The following DOK6 variants were observed in gnomAD, a reference collection of about 807,000 sequenced individuals.
DOK6 encodes downstream of tyrosine kinase 6.
A neutral mutation model predicts 44.0 loss-of-function variants in DOK6; 22 were observed. The ratio of observed to expected loss-of-function variants is 0.50; its 90% CI spans 0.36 to 0.71. The LOEUF (loss-of-function observed/expected upper bound fraction) is 0.71. DOK6 is among the 30% of genes least tolerant of loss of function. The pLI, the probability that DOK6 is intolerant of heterozygous loss-of-function variation, is 0.00. For missense variants in DOK6, 340 were observed against 416.4 expected, an observed-to-expected ratio of 0.82 and a Z score of 1.60; for synonymous variants, 166 against 145.5, an observed-to-expected ratio of 1.14 and a Z score of -1.01.
chr18:69,402,552 G>C (rs1916123503), intron 1 of DOK6, among the ~76,000 whole-genome samples: 1 of 152,238 alleles, frequency 6.6e-6, no homozygotes, highest in Admixed American at 6.5e-5. Flanking sequence ...CCAGGTGTTG[G>C]GGACAGGAGG....
chr18:69,797,470 C>T (rs1980779545), intron 7 of DOK6, among the ~76,000 whole-genome samples: 1 of 152,054 alleles, frequency 6.6e-6, no homozygotes, highest in African/African-American at 2.4e-5. Context: ...GGCAGTAATC[C>T]TCTATTTTGC....
chr18:69,617,726 A>AAAG (rs1984339238), intron 3 of DOK6, among the ~76,000 whole-genome samples: 3 of 115,842 alleles, frequency 2.6e-5, no homozygotes, highest in African/African-American at 5.8e-5. Context: ...AAAGAAAGAA[A>AAAG]AAAGGGGGAA....
chr18:69,558,005 A>G (rs1338941139), intron 1 of DOK6, among the ~76,000 whole-genome samples: 11 of 152,174 alleles, frequency 7.2e-5, no homozygotes, highest in Admixed American at 6.6e-4. Flanking sequence ...AATAAAAATA[A>G]GGTACTGCAT....
At chr18:69,418,568 C>A (rs956614408) in intron 1 of DOK6, among the ~76,000 whole-genome samples, 6 of 151,968 alleles carry the variant, frequency 3.9e-5, no homozygotes, top group African/African-American at 1.4e-4. Flanking sequence ...CTCAGGTGAT[C>A]CTCCTGACTC....
At chr18:69,839,772 T>G (rs1982161261) in intron 7 of DOK6, among the ~76,000 whole-genome samples, 1 of 152,074 alleles carries the variant, frequency 6.6e-6, no homozygotes, top group Non-Finnish European at 1.5e-5. Context: ...GGGCAGAAAG[T>G]TCTGGAAGCT....
At chr18:69,661,586 T>C (rs1568325896) in intron 3 of DOK6, 1 of 152,220 alleles carries the variant, frequency 6.6e-6, no homozygotes, top group South Asian at 2.1e-4. Flanking sequence ...GTAGGAACAA[T>C]TTAAGGTTCC....
intron 3 of DOK6, among the ~76,000 whole-genome samples, chr18:69,643,066 G>A (rs920364870): frequency 6.6e-6 from 1 of 152,032 alleles, no homozygotes; most frequent in Non-Finnish European, 1.5e-5. Context: ...TATCATTATG[G>A]CCCTATGGAT....
chr18:69,401,372 G>A (rs533047144), intron 1 of DOK6, 62 bp downstream of exon 1: 11 of 1,429,202 alleles, frequency 7.7e-6, no homozygotes, highest in East Asian at 3.0e-5. Context: ...GGCTGCCTGG[G>A]GGGGGGGCAG....
chr18:69,594,025 C>A (rs1253193833), intron 2 of DOK6, among the ~76,000 whole-genome samples: 1 of 152,092 alleles, frequency 6.6e-6, no homozygotes, highest in Non-Finnish European at 1.5e-5. Flanking sequence ...GTAAATATCA[C>A]TTGATTCCAT....
At chr18:69,563,488 C>A (rs1380419069) in intron 1 of DOK6, among the ~76,000 whole-genome samples, 2 of 151,974 alleles carry the variant, frequency 1.3e-5, no homozygotes, top group African/African-American at 4.8e-5. Context: ...ATGATGAGTT[C>A]ATATCCTTTG....
At chr18:69,650,713 G>A (rs1335454100) in intron 3 of DOK6, among the ~76,000 whole-genome samples, 1 of 152,138 alleles carries the variant, frequency 6.6e-6, no homozygotes, top group Non-Finnish European at 1.5e-5. Flanking sequence ...ACCTTGAACA[G>A]TACTGCGTCA....
At chr18:69,732,092 C>CT (rs541217413) in intron 5 of DOK6, among the ~76,000 whole-genome samples, 1 of 151,932 alleles carries the variant, frequency 6.6e-6, no homozygotes, top group Admixed American at 6.6e-5. Context: ...ATTTGTTTTG[C>CT]TTTTTTTTCC....
chr18:69,579,767 G>A (rs1010109893), intron 2 of DOK6, among the ~76,000 whole-genome samples: 3 of 151,956 alleles, frequency 2.0e-5, no homozygotes, highest in Admixed American at 6.6e-5. Context: ...TGTTTTAGTG[G>A]AGACGGGATT....
intron 7 of DOK6, among the ~76,000 whole-genome samples, chr18:69,811,937 T>C (rs1981251139): frequency 6.6e-6 from 1 of 152,116 alleles, no homozygotes; most frequent in African/African-American, 2.4e-5. Context: ...ATCTTCTCTG[T>C]GATATATATG....
rs530704884 is a variant in DOK6, at chr18:69,558,400, C to G, written c.67-6087C>G. ...ACTCCAGTGCCCTTTTTATTTTACT[C>G]CTATTAAAAAGCAAAATACTTTGAA... On this transcript the variant is annotated intron_variant, in intron 1 of 7. Transcript: ENST00000382713. Among the ~76,000 whole-genome samples, 108 of 152,082 alleles carry G rather than the reference C, an allele frequency of 7.1e-4. 1 individual carries two copies. The highest frequency in any genetic ancestry group is 1.5e-3 in the African/African-American group (61 of 41,518).
intron 1 of DOK6, among the ~76,000 whole-genome samples, chr18:69,545,940 G>A (rs1203056186): frequency 6.6e-6 from 1 of 151,328 alleles, no homozygotes; most frequent in African/African-American, 2.4e-5. Context: ...TATTTAAATA[G>A]GTGTTTTATA....
intron 6 of DOK6, among the ~76,000 whole-genome samples, chr18:69,749,396 A>T (rs1241536998): frequency 6.6e-6 from 1 of 152,210 alleles, no homozygotes; most frequent in African/African-American, 2.4e-5. Context: ...TTCACAAAAT[A>T]ATGCAATATT....
At chr18:69,647,903 A>G (rs934296217) in intron 3 of DOK6, among the ~76,000 whole-genome samples, 3 of 152,166 alleles carry the variant, frequency 2.0e-5, no homozygotes, top group Admixed American at 2.0e-4. Context: ...TATGTTAAAC[A>G]GGACCCTGCT....
chr18:69,839,103 C>A (rs1186113315), intron 7 of DOK6, among the ~76,000 whole-genome samples: 1 of 146,252 alleles, frequency 6.8e-6, no homozygotes, highest in Non-Finnish European at 1.5e-5. Context: ...TCCTCCCCAT[C>A]CCCTCCTGTG....
Sources: gnomAD v4.1 joint callset for allele counts (sites outside exome capture counted in the v4.1 genomes callset) on GRCh38, gnomAD v4.1.1 for gene constraint, MANE v1.5 for transcripts, NCBI Gene and HGNC (gene_info 2026-07-23, HGNC 2026-07-21) for gene names.